CSMD3: variants seen among roughly 807,000 people sequenced by gnomAD.
CSMD3 encodes the protein CUB and sushi domain-containing protein 3.
In CSMD3, 177 loss-of-function variants were observed where a neutral mutation model predicts 435.2. The ratio of observed to expected loss-of-function variants is 0.41; its 90% CI spans 0.36 to 0.46. CSMD3 has a LOEUF of 0.46. Among genes scored for constraint, CSMD3 ranks in the 20% least tolerant of loss-of-function variants. CSMD3 has a pLI of 0.34. For synonymous variants in CSMD3, 1,656 were observed against 1,520.5 expected (o/e 1.09, Z -2.07); for missense variants, 4,265 against 4,504.6 (o/e 0.95, Z 1.52).
chr8:112,350,006 C>T (rs1457905046), intron 40 of CSMD3, among the ~76,000 whole-genome samples: 1 of 152,034 alleles, frequency 6.6e-6, no homozygotes, highest in East Asian at 1.9e-4. Flanking sequence ...GACTGGTGTC[C>T]TTTAAGAAGA....
chr8:113,255,161 A>G (rs1232533102), intron 3 of CSMD3, among the ~76,000 whole-genome samples: 1 of 152,138 alleles, frequency 6.6e-6, no homozygotes, highest in Non-Finnish European at 1.5e-5. Flanking sequence ...ATAAACAATA[A>G]TATTACCTTA....
chr8:112,937,410 G>A (rs895411588), intron 9 of CSMD3, among the ~76,000 whole-genome samples: 1 of 150,476 alleles, frequency 6.6e-6, no homozygotes, highest in Admixed American at 6.6e-5. Flanking sequence ...GAGTGCAGTG[G>A]CACGATCTTG....
chr8:112,334,584 G>A (rs1309664819), intron 45 of CSMD3, among the ~76,000 whole-genome samples: 1 of 152,136 alleles, frequency 6.6e-6, no homozygotes, highest in Non-Finnish European at 1.5e-5. Flanking sequence ...TAATGAGACT[G>A]TAGTCATAGC....
intron 3 of CSMD3, among the ~76,000 whole-genome samples, chr8:113,186,310 TCA>T (rs569979464): frequency 5.1e-4 from 77 of 151,946 alleles, no homozygotes; most frequent in Non-Finnish European, 1.5e-4. Context: ...CAGTAAAAAC[TCA>T]CAGAGAAGGT....
chr8:112,644,303 A>G (rs929287709), intron 20 of CSMD3, among the ~76,000 whole-genome samples: 10 of 151,946 alleles, frequency 6.6e-5, no homozygotes, highest in African/African-American at 2.2e-4. Flanking sequence ...TATTTGCAAA[A>G]ATGGATGGTA....
rs143689715 is a variant in CSMD3, at chr8:112,420,921, T to C, written c.5396-11889A>G. Among the ~76,000 whole-genome samples the C allele has an allele frequency of 2.6e-3, 397 of 152,160 alleles. 1 individual carries two copies. Among genetic ancestry groups the C allele is most frequent in the Non-Finnish European group, 3.9e-3 (268 of 68,000 alleles). ...CTTTCATTGAATTCTTTAACTCCAC[T>C]CTGCATGTTGCCTCCTACGCACACT... On this transcript the variant is annotated intron_variant, in intron 32 of 70. Coordinates refer to ENST00000297405, the MANE Select transcript of CSMD3 (RefSeq NM_198123.2).
intron 5 of CSMD3, among the ~76,000 whole-genome samples, chr8:113,034,166 C>T (rs141934437): frequency 6.6e-6 from 1 of 151,424 alleles, no homozygotes; most frequent in Non-Finnish European, 1.5e-5. Context: ...ACAAGGATCT[C>T]TCTGTATTAT....
chr8:112,962,964 T>C (rs2084286788), intron 7 of CSMD3, among the ~76,000 whole-genome samples: 1 of 151,984 alleles, frequency 6.6e-6, no homozygotes, highest in African/African-American at 2.4e-5. Context: ...AATTAGAATC[T>C]GCAGTTTAAC....
At chr8:113,393,035 G>C (rs2094468085) in intron 1 of CSMD3, among the ~76,000 whole-genome samples, 1 of 151,262 alleles carries the variant, frequency 6.6e-6, no homozygotes, top group African/African-American at 2.4e-5. Context: ...ATAAAACCAT[G>C]TATGTTTGTA....
chr8:113,118,415 A>G (rs1251967905), intron 4 of CSMD3, among the ~76,000 whole-genome samples: 1 of 152,218 alleles, frequency 6.6e-6, no homozygotes, highest in African/African-American at 2.4e-5. Context: ...CTGCTCTAGA[A>G]TCAGAAAGAC....
chr8:113,008,572 T>G (rs1373107315), intron 6 of CSMD3, among the ~76,000 whole-genome samples: 1 of 151,678 alleles, frequency 6.6e-6, no homozygotes, highest in Non-Finnish European at 1.5e-5. Context: ...TAATTTTAAT[T>G]TAGAAACAGG....
intron 38 of CSMD3, among the ~76,000 whole-genome samples, chr8:112,370,095 A>AGTG (rs1300927394): frequency 2.0e-5 from 3 of 151,914 alleles, no homozygotes; most frequent in East Asian, 3.9e-4. Flanking sequence ...TAGTAGTAGT[A>AGTG]GTAGTAGTCA....
intron 53 of CSMD3, among the ~76,000 whole-genome samples, 171 bp downstream of exon 53, chr8:112,301,622 G>A (rs756970921): frequency 1.2e-4 from 19 of 152,010 alleles, no homozygotes; most frequent in Admixed American, 2.6e-4. Flanking sequence ...TGATTATTCC[G>A]TTTAGTAGCT....
chr8:112,748,236 T>C (rs1194329355), intron 13 of CSMD3, among the ~76,000 whole-genome samples: 1 of 152,036 alleles, frequency 6.6e-6, no homozygotes, highest in Non-Finnish European at 1.5e-5. Flanking sequence ...TGATGAGAAA[T>C]TGAATAGGAA....
intron 10 of CSMD3, among the ~76,000 whole-genome samples, chr8:112,910,531 T>C (rs2082381516): frequency 6.6e-6 from 1 of 151,812 alleles, no homozygotes; most frequent in South Asian, 2.1e-4. Flanking sequence ...GTGTCAATTT[T>C]TATCCAAGGG....
chr8:112,888,109 C>T (rs1469848920), intron 10 of CSMD3, among the ~76,000 whole-genome samples: 3 of 151,646 alleles, frequency 2.0e-5, no homozygotes, highest in Non-Finnish European at 3.0e-5. Flanking sequence ...AGTGATTTCA[C>T]CATTCCCTGG....
intron 9 of CSMD3, among the ~76,000 whole-genome samples, chr8:112,924,036 G>A (rs1422347045): frequency 1.3e-5 from 2 of 152,118 alleles, no homozygotes; most frequent in African/African-American, 4.8e-5. Context: ...AAAGAGAGGG[G>A]TATGTGAAAT....
intron 5 of CSMD3, among the ~76,000 whole-genome samples, chr8:113,079,156 T>C (rs2089459052): frequency 6.6e-6 from 1 of 152,214 alleles, no homozygotes; most frequent in Non-Finnish European, 1.5e-5. Context: ...TAACTTACTC[T>C]TCTAAATAAA....
At position 112,976,124 on chromosome 8, in the gene CSMD3, GTAGTGTGGGTC is replaced by G; in HGVS notation, c.1044_1054del (p.Leu348PhefsTer5). Reference sequence around the variant, plus strand: ...ATGCTCCTCTAACTCACCAGTGGAGGTAGTGTGGGTCAATGTAGAAGAACCTGTGGGACACA... The same window carrying G: ...ATGCTCCTCTAACTCACCAGTGGAGGAATGTAGAAGAACCTGTGGGACACA... On this transcript the variant is annotated frameshift_variant, in exon 7 of 71. Transcript: ENST00000297405. LOFTEE classifies it high-confidence loss of function. 6.2e-7 allele frequency: 1 copy of G among 1,613,980 alleles called. No individual in the cohort carries two copies. The highest frequency in any genetic ancestry group is 2.2e-5 in the East Asian group (1 of 44,882).
Sources: gnomAD v4.1 joint callset for allele counts (sites outside exome capture counted in the v4.1 genomes callset) on GRCh38, gnomAD v4.1.1 for gene constraint, MANE v1.5 for transcripts, NCBI Gene and HGNC (gene_info 2026-07-23, HGNC 2026-07-21) for gene names.